The following SAMD4A variants were observed in gnomAD, a reference collection of about 807,000 sequenced individuals.
SAMD4A encodes protein Smaug homolog 1.
Under a neutral mutation model 81.3 loss-of-function variants are expected in SAMD4A, and 33 were observed. The observed-to-expected ratio is 0.41, with a 90% CI of 0.31 to 0.54. The LOEUF (loss-of-function observed/expected upper bound fraction) is 0.54. Among genes scored for constraint, SAMD4A ranks in the 20% least tolerant of loss-of-function variants. The pLI is 0.37. For missense variants in SAMD4A, 854 were observed against 951.1 expected, an observed-to-expected ratio of 0.90 and a Z score of 1.34; for synonymous variants, 389 against 382.1, an observed-to-expected ratio of 1.02 and a Z score of -0.21.
intron 2 of SAMD4A, among the ~76,000 whole-genome samples, chr14:54,573,587 T>C (rs2033197982): frequency 6.6e-6 from 1 of 152,184 alleles, no homozygotes; most frequent in East Asian, 1.9e-4. Context: ...AAATCTTTTC[T>C]TTTCCTTTTT....
At position 54,604,102 on chromosome 14, in the gene SAMD4A, C is replaced by T. The variant is rs551419452; in HGVS notation, c.196+35990C>T. Among the ~76,000 whole-genome samples the T allele has an allele frequency of 4.6e-5, 7 of 152,272 alleles. No homozygotes were observed. The East Asian group carries it at 1.2e-3, about 25-fold the overall frequency. ...CCTCCCAAAGTGCTGGGATTACAGG[C>T]GTGAGCCACCATGCTTGGCCCCATT... On this transcript the variant is annotated intron_variant, in intron 2 of 12. Transcript: ENST00000554335.
At chr14:54,623,513 A>AAAAAAAAAG (rs2034670735) in intron 2 of SAMD4A, among the ~76,000 whole-genome samples, 1 of 108,904 alleles carries the variant, frequency 9.2e-6, no homozygotes, top group Non-Finnish European at 1.9e-5. Flanking sequence ...AAAAAAAAAA[A>AAAAAAAAAG]GCAGGGGGAG....
chr14:54,775,075 C>A lies in SAMD4A; in HGVS notation c.1857C>A (p.Phe619Leu). Residue 619 changes from phenylalanine (F) to leucine (L), a missense_variant, in exon 10 of 13, where the codon TTC becomes TTA. By Grantham distance (22) the Phe-to-Leu change is conservative. Transcript: ENST00000554335. ...ARLGLLGTSGFVSSNQRNTTA... is the reference protein window; with the variant it reads ...ARLGLLGTSGLVSSNQRNTTA... ...TGGGCCTCTTGGGCACCAGTGGATT[C>A]GTCAGCTCCAACCAGCGCAACACCA... 6.2e-7 allele frequency: 1 copy of A among 1,614,158 alleles called. No individual in the cohort carries two copies. Among genetic ancestry groups the A allele is most frequent in the Non-Finnish European group, 8.5e-7 (1 of 1,180,044 alleles).
intron 2 of SAMD4A, among the ~76,000 whole-genome samples, chr14:54,569,675 C>T (rs1295842306): frequency 6.6e-6 from 1 of 152,192 alleles, no homozygotes; most frequent in African/African-American, 2.4e-5. Flanking sequence ...CCTGGTTTAC[C>T]TGCTCGGTTT....
rs200036807 is a variant in SAMD4A at position 54,655,149 on chromosome 14, C to A, written c.197-46913C>A. Reference sequence around the variant, plus strand: ...CGTCCAAGCTCACAGGAGGCTACCCCATAAACAAAAATATCAGCTCATTAT... The same window carrying A: ...CGTCCAAGCTCACAGGAGGCTACCCAATAAACAAAAATATCAGCTCATTAT... On this transcript the variant is annotated intron_variant, in intron 2 of 12. Coordinates refer to ENST00000554335, the MANE Select transcript of SAMD4A (RefSeq NM_015589.6). Among the ~76,000 whole-genome samples the A allele has an allele frequency of 2.0e-5, 3 of 152,294 alleles. No individual in the cohort carries two copies. In the East Asian group the frequency reaches 5.8e-4, roughly 29 times the overall value.
At chr14:54,653,421 C>A (rs1447163210) in intron 2 of SAMD4A, among the ~76,000 whole-genome samples, 2 of 150,984 alleles carry the variant, frequency 1.3e-5, no homozygotes, top group Non-Finnish European at 2.9e-5. Context: ...CTCACTGCAA[C>A]CTCCATCTCC....
intron 9 of SAMD4A, among the ~76,000 whole-genome samples, chr14:54,773,748 C>T (rs1192118098): frequency 1.3e-5 from 2 of 152,234 alleles, no homozygotes; most frequent in East Asian, 1.9e-4. Flanking sequence ...CAAACATCAT[C>T]TCCGACCTTA....
At chr14:54,658,102 G>C (rs1356676854) in intron 2 of SAMD4A, among the ~76,000 whole-genome samples, 1 of 152,166 alleles carries the variant, frequency 6.6e-6, no homozygotes, top group Non-Finnish European at 1.5e-5. Context: ...TTGAGGTCAG[G>C]ACTTTGAGAC....
intron 6 of SAMD4A, chr14:54,754,849 T>C: frequency 2.0e-6 from 2 of 988,184 alleles, no homozygotes; most frequent in Non-Finnish European, 2.4e-6. Flanking sequence ...TGAACCCTTA[T>C]CAAGCAGCTG....
intron 11 of SAMD4A, among the ~76,000 whole-genome samples, chr14:54,780,931 C>A (rs1016612250): frequency 6.6e-6 from 1 of 152,010 alleles, no homozygotes; most frequent in Non-Finnish European, 1.5e-5. Context: ...TGTTTCCCTG[C>A]CTGTGCCGTT....
rs376777452 is a variant in SAMD4A, at chr14:54,633,091, T to C, written c.196+64979T>C. ...ATGTGATTTAGGTTCTGATGGAAAC[T>C]GCCAGCTGGCTGTCTGAAGAGGTTA... On this transcript the variant is annotated intron_variant, in intron 2 of 12. Transcript: ENST00000554335. Among the ~76,000 whole-genome samples the C allele has an allele frequency of 7.9e-5, 12 of 152,358 alleles. No homozygotes were observed. In the East Asian group the frequency reaches 2.3e-3, roughly 29 times the overall value.
intron 2 of SAMD4A, among the ~76,000 whole-genome samples, chr14:54,580,312 C>T (rs1377059461): frequency 2.0e-5 from 3 of 152,168 alleles, no homozygotes; most frequent in African/African-American, 7.2e-5. Flanking sequence ...TTAAAATGGT[C>T]CCCTCAAAGT....
chr14:54,663,774 C>G (rs2035695626), intron 2 of SAMD4A, among the ~76,000 whole-genome samples: 1 of 152,174 alleles, frequency 6.6e-6, no homozygotes. Flanking sequence ...CTCACTTAAT[C>G]CATCTGCCAG....
At chr14:54,644,642 C>G (rs1182630752) in intron 2 of SAMD4A, among the ~76,000 whole-genome samples, 1 of 152,220 alleles carries the variant, frequency 6.6e-6, no homozygotes, top group Non-Finnish European at 1.5e-5. Context: ...GCATGGCCCT[C>G]GGTAAGGGAA....
chr14:54,691,132 C>G (rs2036423123), intron 2 of SAMD4A, among the ~76,000 whole-genome samples: 2 of 152,210 alleles, frequency 1.3e-5, no homozygotes, highest in Admixed American at 1.3e-4. Context: ...CTGCTCCTCT[C>G]CGTCCTACTG....
At chr14:54,572,366 TA>T (rs935586484) in intron 2 of SAMD4A, among the ~76,000 whole-genome samples, 27 of 152,128 alleles carry the variant, frequency 1.8e-4, no homozygotes, top group Non-Finnish European at 5.9e-5. Context: ...TATTTTAATA[TA>T]AAAAGATTGT....
chr14:54,788,836 G>A (rs561445277), intron 12 of SAMD4A, 80 bp from the exon 13 acceptor site: 25 of 1,570,160 alleles, frequency 1.6e-5, no homozygotes, highest in South Asian at 6.7e-5. Flanking sequence ...GAGGCCCACC[G>A]TGCATGGCGT....
intron 2 of SAMD4A, among the ~76,000 whole-genome samples, chr14:54,568,609 C>T (rs2033023068): frequency 6.8e-6 from 1 of 148,008 alleles, no homozygotes; most frequent in Admixed American, 6.8e-5. Flanking sequence ...TCATTTTTCC[C>T]CACAGATATT....
chr14:54,628,305 G>A (rs752445060), intron 2 of SAMD4A, among the ~76,000 whole-genome samples: 4 of 152,132 alleles, frequency 2.6e-5, no homozygotes, highest in East Asian at 1.9e-4. Context: ...CGCTTTGCCC[G>A]GACGGTCTAG....
Sources: gnomAD v4.1 joint callset for allele counts (sites outside exome capture counted in the v4.1 genomes callset) on GRCh38, gnomAD v4.1.1 for gene constraint, MANE v1.5 for transcripts, NCBI Gene and HGNC (gene_info 2026-07-23, HGNC 2026-07-21) for gene names.